Variants in SPARC observed in about 807,000 individuals in gnomAD.
SPARC encodes the protein secreted protein acidic and cysteine rich.
In SPARC, 23 loss-of-function variants were observed where a neutral mutation model predicts 37.7. The ratio of observed to expected loss-of-function variants is 0.61; its 90% CI spans 0.44 to 0.87. The LOEUF (loss-of-function observed/expected upper bound fraction) is 0.87, where lower values mean the gene tolerates loss of function less well. Ranked by LOEUF, SPARC falls within the 40% of genes least tolerant of loss-of-function variation. The pLI is 0.00. For missense variants in SPARC, 312 were observed against 389.0 expected, an observed-to-expected ratio of 0.80 and a Z score of 1.66; for synonymous variants, 155 against 150.8, an observed-to-expected ratio of 1.03 and a Z score of -0.20.
rs1300799488 is a variant in SPARC at position 151,685,418 on chromosome 5, T to TCA, written c.-14+1446_-14+1447insTG. ...CTCTCTCTCTCTCTCTCTCCCTCTC[T>TCA]CTCTCACACACACACACACACACAC... On this transcript the variant is annotated intron_variant, in intron 1 of 9. Coordinates refer to ENST00000231061, the MANE Select transcript of SPARC (RefSeq NM_003118.4). Among the ~76,000 whole-genome samples the TCA allele has an allele frequency of 6.4e-3, 400 of 62,084 alleles. 1 individual carries two copies. Among genetic ancestry groups the TCA allele is most frequent in the African/African-American group, 0.015 (346 of 22,408 alleles). 40.7% of individuals were successfully genotyped at this position (62,084 alleles called of 152,430 possible).
At chr5:151,669,846 T>C (rs2113093545) in intron 5 of SPARC, 62 bp from the exon 6 acceptor site, 2 of 1,592,376 alleles carry the variant, frequency 1.3e-6, no homozygotes, top group South Asian at 2.3e-5. Context: ...GATACCAATA[T>C]CCTTGTCCAT....
chr5:151,684,615 A>T (rs1761086205), intron 1 of SPARC, among the ~76,000 whole-genome samples: 1 of 151,842 alleles, frequency 6.6e-6, no homozygotes, highest in Non-Finnish European at 1.5e-5. Flanking sequence ...AAAAAAAAAA[A>T]AAAAAAAAGC....
intron 6 of SPARC, among the ~76,000 whole-genome samples, chr5:151,669,064 C>T (rs1760689711): frequency 6.6e-6 from 1 of 152,128 alleles, no homozygotes; most frequent in East Asian, 1.9e-4. Context: ...CAGCTGGGGT[C>T]ACTAACCAAA....
chr5:151,670,270 T>C (rs1760721318), intron 5 of SPARC, among the ~76,000 whole-genome samples: 1 of 152,258 alleles, frequency 6.6e-6, no homozygotes, highest in South Asian at 2.1e-4. Context: ...ATGCCTGGAC[T>C]GTTTGTACAA....
rs920602019 is a variant in SPARC at position 151,663,563 on chromosome 5, G to A, written c.*8C>T. 5.0e-6 allele frequency: 8 copies of A among 1,613,004 alleles called. No individual in the cohort carries two copies. The African/African-American group carries it at 8.0e-5, about 16-fold the overall frequency. On this transcript the variant is annotated 3_prime_UTR_variant, in exon 10 of 10. Coordinates refer to ENST00000231061, the MANE Select transcript of SPARC (RefSeq NM_003118.4). ...AAGAGAGAATCCGGTACTGTGGAAGGAGTGGATTTAGATCACAAGATCCTT... is the reference window on the plus strand; with the variant it reads ...AAGAGAGAATCCGGTACTGTGGAAGAAGTGGATTTAGATCACAAGATCCTT...
Position 151,669,811 on chromosome 5 carries a change from T to C in SPARC, c.331-27A>G, listed in dbSNP as rs1443521268. On this transcript the variant is annotated intron_variant, in intron 5 of 9. Coordinates refer to ENST00000231061, the MANE Select transcript of SPARC (RefSeq NM_003118.4). ...TGTTGGCAAAGCACAGAGTACCCCC[T>C]CCTTCATTCCCAAAGCCCTTCGCTG... is the stretch of plus-strand genomic sequence containing the variant. 6 of 1,613,268 alleles carry C rather than the reference T, an allele frequency of 3.7e-6. No individual in the cohort carries two copies. The African/African-American group carries it at 6.7e-5, about 18-fold the overall frequency.
chr5:151,662,957 G>A lies in SPARC; in HGVS notation c.*614C>T, dbSNP rs1760542586. ...GTAAAGGAGGAAATGGTGATGAACT[G>A]GGCTTATGTGAGAATGTCTATATTT... On this transcript the variant is annotated 3_prime_UTR_variant, in exon 10 of 10. Coordinates refer to ENST00000231061, the MANE Select transcript of SPARC (RefSeq NM_003118.4). 1 of 152,302 alleles carries A rather than the reference G, an allele frequency of 6.6e-6. No homozygotes were observed. 9.4% of individuals were successfully genotyped at this position (152,302 alleles called of 1,614,324 possible).
At chr5:151,676,006 A>G in intron 2 of SPARC, 126 bp downstream of exon 2, 1 of 719,080 alleles carries the variant, frequency 1.4e-6, no homozygotes, top group Non-Finnish European at 2.3e-6. Flanking sequence ...TTAAGAAAAA[A>G]AAAAGACCAC....
intron 5 of SPARC, among the ~76,000 whole-genome samples, chr5:151,670,302 A>T (rs930414662): frequency 6.6e-6 from 1 of 152,196 alleles, no homozygotes; most frequent in Non-Finnish European, 1.5e-5. Flanking sequence ...TATGCTGAAC[A>T]TCTGCTTTCC....
In SPARC at chr5:151,682,185, G is replaced by C. The variant is rs373924298; in HGVS notation, c.-14+4680C>G. On this transcript the variant is annotated intron_variant, in intron 1 of 9. Coordinates refer to ENST00000231061, the MANE Select transcript of SPARC (RefSeq NM_003118.4). ...AAAGACGCTAAAGGAAACTTTTAAG[G>C]TGTGGTAGCTAAAACTTAGGACTGG... 8.5e-5 allele frequency among the ~76,000 whole-genome samples: 13 copies of C among 152,146 alleles called. No individual in the cohort carries two copies. The East Asian group carries it at 9.7e-4, about 11-fold the overall frequency.
intron 7 of SPARC, 109 bp from the exon 8 acceptor site, chr5:151,666,618 C>A: frequency 1.1e-6 from 1 of 944,426 alleles, no homozygotes; most frequent in Non-Finnish European, 1.6e-6. Context: ...CTAGCCAGAC[C>A]AAAGCTCACA....
chr5:151,680,667 C>T (rs1760967548), intron 1 of SPARC, among the ~76,000 whole-genome samples: 1 of 152,172 alleles, frequency 6.6e-6, no homozygotes, highest in Non-Finnish European at 1.5e-5. Context: ...TATACAGGTT[C>T]AAATCCTGGC....
chr5:151,680,870 TC>T (rs1254189992), intron 1 of SPARC, among the ~76,000 whole-genome samples: 2 of 152,198 alleles, frequency 1.3e-5, no homozygotes, highest in African/African-American at 4.8e-5. Context: ...AGTCCGAGGT[TC>T]CCAGAATCTC....
chr5:151,664,309 A>G, intron 8 of SPARC, 74 bp from the exon 9 acceptor site: 1 of 1,395,010 alleles, frequency 7.2e-7, no homozygotes, highest in Non-Finnish European at 1.0e-6. Context: ...GCAACCGGGG[A>G]GTTAGCCTGC....
At chr5:151,678,681 G>C (rs577683807) in intron 1 of SPARC, among the ~76,000 whole-genome samples, 15 of 152,310 alleles carry the variant, frequency 9.8e-5, no homozygotes, top group African/African-American at 3.6e-4. Context: ...GTTGGGGTGA[G>C]CCTAATAGGA....
intron 1 of SPARC, among the ~76,000 whole-genome samples, chr5:151,683,933 CT>C (rs1281438779): frequency 6.6e-6 from 1 of 152,202 alleles, no homozygotes; most frequent in African/African-American, 2.4e-5. Flanking sequence ...GGGTTTGTAC[CT>C]GTCCCTGTTT....
Position 151,671,554 on chromosome 5 carries a change from CCTGT to C in SPARC, c.330+15_330+18del. 2.6e-6 allele frequency: 4 copies of C among 1,548,060 alleles called. No homozygotes were observed. The highest frequency in any genetic ancestry group is 3.5e-6 in the Non-Finnish European group (4 of 1,149,126). On this transcript the variant is annotated intron_variant, in intron 5 of 9. Transcript: ENST00000231061. ...AAGTGCCCAATCCCTTCCCCCTGCC[CCTGT>C]CTCTCAGCCCTCACCTTCTCAAACT...
In SPARC at chr5:151,669,724, T is replaced by G; in HGVS notation, c.391A>C (p.Thr131Pro). 1 of 1,614,096 alleles carries G rather than the reference T, an allele frequency of 6.2e-7. No individual in the cohort carries two copies. Among genetic ancestry groups the G allele is most frequent in the East Asian group, 2.2e-5 (1 of 44,884 alleles). The change falls in exon 6 of 10, where the codon ACC becomes CCC. Residue 131 changes from threonine to proline, a missense_variant. Physicochemically the swap from Thr to Pro is conservative, Grantham distance 38. Transcript: ENST00000231061. ...TGGCCCTTCTTGGTGCCCTCCAGGGTGCACTTTGTGGCAAAGAAGTGGCAG... is the reference window on the plus strand; with the variant it reads ...TGGCCCTTCTTGGTGCCCTCCAGGGGGCACTTTGTGGCAAAGAAGTGGCAG... The part of the protein sequence containing the change: ...SSCHFFATKC[T>P]LEGTKKGHKL...
intron 8 of SPARC, among the ~76,000 whole-genome samples, chr5:151,665,355 C>A (rs1321241522): frequency 6.6e-6 from 1 of 152,138 alleles, no homozygotes; most frequent in Non-Finnish European, 1.5e-5. Flanking sequence ...CAGTTGGATC[C>A]CAGCCATGGC....
Sources: allele counts gnomAD v4.1 joint callset (sites outside exome capture counted in the v4.1 genomes callset), GRCh38; gene constraint gnomAD v4.1.1; transcripts MANE v1.5; gene names NCBI Gene and HGNC (gene_info 2026-07-23, HGNC 2026-07-21).